ST14: variants seen among roughly 807,000 people sequenced by gnomAD.
The protein encoded by ST14 is suppressor of tumorigenicity 14 protein.
A neutral mutation model predicts 96.5 loss-of-function variants in ST14; 40 were observed. That is an observed-to-expected ratio of 0.41 (90% CI 0.32 to 0.54). The LOEUF (loss-of-function observed/expected upper bound fraction) is 0.54. Ranked by LOEUF, ST14 falls within the 20% of genes least tolerant of loss-of-function variation. The pLI is 0.17. For missense variants in ST14, 1,066 were observed against 1,188.9 expected (o/e 0.90, Z 1.52); for synonymous variants, 506 against 492.1 (o/e 1.03, Z -0.37).
At chr11:130,186,052 C>T (rs1050401726) in intron 1 of ST14, among the ~76,000 whole-genome samples, 4 of 152,210 alleles carry the variant, frequency 2.6e-5, no homozygotes, top group African/African-American at 4.8e-5. Context: ...AGATGATCCA[C>T]CTGCCTCGGC....
At chr11:130,190,017 C>T (rs1004471610) in intron 5 of ST14, 96 bp from the exon 6 acceptor site, 13 of 1,609,542 alleles carry the variant, frequency 8.1e-6, no homozygotes, top group African/African-American at 5.3e-5. Flanking sequence ...GAGAAGACTA[C>T]GTGCTGGCCG....
At chr11:130,195,654 A>C (rs1015424607) in intron 9 of ST14, among the ~76,000 whole-genome samples, 1 of 151,376 alleles carries the variant, frequency 6.6e-6, no homozygotes, top group African/African-American at 2.4e-5. Context: ...GGAGTTCGAG[A>C]CCAGCCTGGG....
chr11:130,168,831 A>G (rs1242959452), intron 1 of ST14, among the ~76,000 whole-genome samples: 4 of 152,058 alleles, frequency 2.6e-5, no homozygotes, highest in African/African-American at 9.7e-5. Context: ...ATTTGTAGCC[A>G]TGGAAGCGTG....
chr11:130,194,857 TG>T, intron 9 of ST14, 120 bp downstream of exon 9: 1 of 114,278 alleles, frequency 8.8e-6, no homozygotes, highest in Non-Finnish European at 1.3e-5. Flanking sequence ...TGTGCATGTG[TG>T]TGTGTGTGTG....
chr11:130,184,019 G>T (rs549895976), intron 1 of ST14, among the ~76,000 whole-genome samples: 1 of 152,348 alleles, frequency 6.6e-6, no homozygotes, highest in East Asian at 1.9e-4. Context: ...CGGAGTGAAA[G>T]AAGCCAGATG....
chr11:130,190,860 C>T (rs1227517501), intron 7 of ST14, among the ~76,000 whole-genome samples, 166 bp downstream of exon 7: 1 of 152,238 alleles, frequency 6.6e-6, no homozygotes, highest in Non-Finnish European at 1.5e-5. Flanking sequence ...GCTGCAGCTC[C>T]AGGGGAGTCT....
Position 130,208,683 on chromosome 11 carries a change from A to G in ST14, c.2268A>G (p.Gly756=). ...WVTGWGHTQY[G]GTGALILQKG... ...CGGGCTGGGGACACACCCAGTATGG[A>G]GGTAAGCTTCGGGCTGACCTAGGGC... The change falls in exon 17 of 19, where the codon GGA becomes GGG. Residue 756 remains glycine (G), a splice_region_variant and synonymous_variant. Transcript: ENST00000278742. 1 of 1,612,514 alleles carries G rather than the reference A, an allele frequency of 6.2e-7. No homozygotes were observed. Among genetic ancestry groups the G allele is most frequent in the Non-Finnish European group, 8.5e-7 (1 of 1,179,136 alleles).
intron 6 of ST14, 50 bp from the exon 7 acceptor site, chr11:130,190,404 T>C: frequency 6.2e-7 from 1 of 1,602,112 alleles, no homozygotes; most frequent in Non-Finnish European, 8.5e-7. Context: ...CTCCCCCAGC[T>C]CTGCCCAGCC....
At chr11:130,160,510 G>A (rs570247176) in intron 1 of ST14, among the ~76,000 whole-genome samples, 18 of 152,226 alleles carry the variant, frequency 1.2e-4, no homozygotes, top group Non-Finnish European at 2.4e-4. Flanking sequence ...CCGTCAAAAG[G>A]CGCTTTGGGA....
intron 1 of ST14, among the ~76,000 whole-genome samples, chr11:130,182,941 C>T (rs538878670): frequency 6.8e-4 from 103 of 150,824 alleles, no homozygotes; most frequent in African/African-American, 2.3e-3. Context: ...TGAGCCACCG[C>T]GCCCAGCCAC....
At chr11:130,195,510 C>T (rs537762782) in intron 9 of ST14, among the ~76,000 whole-genome samples, 14 of 152,270 alleles carry the variant, frequency 9.2e-5, no homozygotes, top group South Asian at 4.1e-4. Flanking sequence ...GTCGCCTGTC[C>T]GTGCCGCTCA....
At position 130,168,538 on chromosome 11, in the gene ST14, G is replaced by C. The variant is rs189374614; in HGVS notation, c.81+8478G>C. On this transcript the variant is annotated intron_variant, in intron 1 of 18. Transcript: ENST00000278742. ...GTGATTGCAGTGCTGATCACACTTGGTGGAAGGAAGAGCTTCCTAATACTC... is the reference window on the plus strand; with the variant it reads ...GTGATTGCAGTGCTGATCACACTTGCTGGAAGGAAGAGCTTCCTAATACTC... Among the ~76,000 whole-genome samples the C allele has an allele frequency of 1.3e-4, 20 of 152,274 alleles. No homozygotes were observed. The East Asian group carries it at 3.3e-3, about 25-fold the overall frequency.
rs1204303047 is a variant in ST14, at chr11:130,159,782, G to GT, written c.-197dup. ...CTACCTGCGTGGGCCGGGCCGGAGT[G>GT]TGAGAGCGGAGCTGCAGCCGGAGAA... On this transcript the variant is annotated 5_prime_UTR_variant, in exon 1 of 19. Coordinates refer to ENST00000278742, the MANE Select transcript of ST14 (RefSeq NM_021978.4). 2 of 194,300 alleles carry GT rather than the reference G, an allele frequency of 1.0e-5. No individual in the cohort carries two copies. Among genetic ancestry groups the GT allele is most frequent in the African/African-American group, 4.7e-5 (2 of 42,386 alleles). 12.0% of individuals were successfully genotyped at this position (194,300 alleles called of 1,614,324 possible).
chr11:130,168,098 TA>T (rs1474515764), intron 1 of ST14, among the ~76,000 whole-genome samples: 1 of 152,236 alleles, frequency 6.6e-6, no homozygotes, highest in East Asian at 1.9e-4. Context: ...GATTGCCTTA[TA>T]AGCTTTCATC....
At chr11:130,201,454 G>A (rs1028907736) in intron 16 of ST14, among the ~76,000 whole-genome samples, 3 of 152,276 alleles carry the variant, frequency 2.0e-5, no homozygotes, top group South Asian at 2.1e-4. Context: ...AGGGAGGCCT[G>A]AGGCACAGAT....
rs1439710413 is a variant in ST14, at chr11:130,196,701, G to A, written c.1354+1G>A. On this transcript the variant is annotated splice_donor_variant, in intron 11 of 18. Coordinates refer to ENST00000278742, the MANE Select transcript of ST14 (RefSeq NM_021978.4). LOFTEE classifies it high-confidence loss of function. The stretch of plus-strand genomic sequence containing the variant: ...TACCTCTCCTACGACTCCAGTGACC[G>A]TGAGTGAACATTGTTGGGAGGAGGG... 4.3e-6 allele frequency: 7 copies of A among 1,614,110 alleles called. No homozygotes were observed. Among genetic ancestry groups the A allele is most frequent in the African/African-American group, 4.0e-5 (3 of 74,944 alleles).
At chr11:130,180,031 C>T (rs990124952) in intron 1 of ST14, among the ~76,000 whole-genome samples, 6 of 152,322 alleles carry the variant, frequency 3.9e-5, no homozygotes, top group Non-Finnish European at 7.3e-5. Flanking sequence ...GTTTATGGTT[C>T]TCATGACCCT....
chr11:130,160,074 G>C lies in ST14; in HGVS notation c.81+14G>C, dbSNP rs1435529800. 2.1e-6 allele frequency: 3 copies of C among 1,411,422 alleles called. No homozygotes were observed. The highest frequency in any genetic ancestry group is 3.2e-5 in the East Asian group (1 of 31,698). 87.4% of individuals were successfully genotyped at this position (1,411,422 alleles called of 1,614,324 possible). On this transcript the variant is annotated intron_variant, in intron 1 of 18. Coordinates refer to ENST00000278742, the MANE Select transcript of ST14 (RefSeq NM_021978.4). ...TCCCGGCACGAGGTGAGCGCGGGCC[G>C]GGGACCCGGGGCGCTGGGAAGCTCC...
intron 1 of ST14, among the ~76,000 whole-genome samples, chr11:130,175,406 T>C (rs763741827): frequency 6.6e-6 from 1 of 152,054 alleles, no homozygotes; most frequent in Non-Finnish European, 1.5e-5. Context: ...TGAGATGGAG[T>C]TTTGTTCTTG....
Sources: gnomAD v4.1 joint callset for allele counts (sites outside exome capture counted in the v4.1 genomes callset) on GRCh38, gnomAD v4.1.1 for gene constraint, MANE v1.5 for transcripts, NCBI Gene and HGNC (gene_info 2026-07-23, HGNC 2026-07-21) for gene names.